Variants in GABRB3 observed in about 807,000 individuals in gnomAD.
The protein encoded by GABRB3 is gamma-aminobutyric acid receptor subunit beta-3.
In GABRB3, 14 loss-of-function variants were observed where a neutral mutation model predicts 52.1. The ratio of observed to expected loss-of-function variants is 0.27; its 90% confidence interval spans 0.18 to 0.42. The LOEUF (loss-of-function observed/expected upper bound fraction) is 0.42, where lower values mean the gene tolerates loss of function less well. Ranked by LOEUF, GABRB3 falls within the 10% of genes least tolerant of loss-of-function variation. The pLI, the probability that GABRB3 is intolerant of heterozygous loss-of-function variation, is 1.00. For missense variants in GABRB3, 307 were observed against 609.1 expected (o/e 0.50, Z 5.22); for synonymous variants, 260 against 232.3 (o/e 1.12, Z -1.08).
At chr15:26,702,851 A>C (rs1888979826) in intron 3 of GABRB3, among the ~76,000 whole-genome samples, 1 of 152,214 alleles carries the variant, frequency 6.6e-6, no homozygotes, top group African/African-American at 2.4e-5. Flanking sequence ...GCTGTAACAA[A>C]ATACCATAAA....
intron 3 of GABRB3, among the ~76,000 whole-genome samples, chr15:26,623,126 T>A (rs145814867): frequency 6.6e-6 from 1 of 152,024 alleles, no homozygotes; most frequent in Admixed American, 6.6e-5. Flanking sequence ...CTCGGCTAGG[T>A]AGACAGCAGG....
At chr15:26,698,559 G>T (rs913213212) in intron 3 of GABRB3, among the ~76,000 whole-genome samples, 1 of 152,050 alleles carries the variant, frequency 6.6e-6, no homozygotes, top group Admixed American at 6.5e-5. Flanking sequence ...GATAAAAATA[G>T]AAAAGAGAAA....
intron 3 of GABRB3, among the ~76,000 whole-genome samples, chr15:26,713,634 A>T (rs544079909): frequency 3.2e-4 from 48 of 152,334 alleles, no homozygotes; most frequent in Middle Eastern, 6.8e-3. Flanking sequence ...AATGCCATGG[A>T]CAGGCAATGC....
At chr15:26,714,218 G>C (rs1889395527) in intron 3 of GABRB3, among the ~76,000 whole-genome samples, 1 of 152,230 alleles carries the variant, frequency 6.6e-6, no homozygotes, top group Admixed American at 6.5e-5. Flanking sequence ...ATTGGGGTCG[G>C]TGTGAGGATG....
chr15:26,627,582 C>CT (rs1892754886), intron 3 of GABRB3, among the ~76,000 whole-genome samples: 1 of 151,688 alleles, frequency 6.6e-6, no homozygotes, highest in Non-Finnish European at 1.5e-5. Context: ...TCATGGATGA[C>CT]TTTGAGGGGT....
chr15:26,763,583 A>G (rs2140186312), intron 3 of GABRB3, among the ~76,000 whole-genome samples: 1 of 135,298 alleles, frequency 7.4e-6, no homozygotes, highest in South Asian at 2.5e-4. Flanking sequence ...TTGTTCTTTC[A>G]CAACCATTTT....
chr15:26,764,182 ATATATATATATATATATATAT>A (rs1890927350), intron 3 of GABRB3, among the ~76,000 whole-genome samples: 3 of 4,564 alleles, frequency 6.6e-4, no homozygotes, highest in African/African-American at 1.9e-3. Flanking sequence ...AAAAAAAAAT[ATATATATATATATATATATAT>A]ATATATATAT....
In GABRB3 at chr15:26,584,543, T is replaced by C. The variant is rs574201811; in HGVS notation, c.462-1129A>G. On this transcript the variant is annotated intron_variant, in intron 4 of 8. Coordinates refer to ENST00000311550, the MANE Select transcript of GABRB3 (RefSeq NM_000814.6). ...TATTTGGCTCCTATTTTATCAATTA[T>C]GAACCAAAATTGGGTGGGTAAGTTC... Among the ~76,000 whole-genome samples, 5 of 152,330 alleles carry C rather than the reference T, an allele frequency of 3.3e-5. No individual in the cohort carries two copies. In the East Asian group the frequency reaches 9.6e-4, roughly 29 times the overall value.
intron 3 of GABRB3, among the ~76,000 whole-genome samples, chr15:26,727,944 C>T (rs773895287): frequency 2.6e-5 from 4 of 152,158 alleles, no homozygotes; most frequent in Non-Finnish European, 5.9e-5. Context: ...AATTCTATCA[C>T]GTACCCCTGA....
chr15:26,641,296 G>T (rs1019338518), intron 3 of GABRB3, among the ~76,000 whole-genome samples: 2 of 152,326 alleles, frequency 1.3e-5, no homozygotes, highest in East Asian at 3.9e-4. Context: ...TGCATGCTAC[G>T]ACTTCCCAGA....
Position 26,637,489 on chromosome 15 carries a change from C to G in GABRB3, c.241-15955G>C, listed in dbSNP as rs76379078. On this transcript the variant is annotated intron_variant, in intron 3 of 8. Coordinates refer to ENST00000311550, the MANE Select transcript of GABRB3 (RefSeq NM_000814.6). ...TCTCTTTGGTTCGTAGATGTATCTG[C>G]AGCATCTAGGATGGTGCTGAGCACA... Among the ~76,000 whole-genome samples, 899 of 152,290 alleles carry G rather than the reference C, an allele frequency of 5.9e-3. 8 individuals are homozygous for G. The highest frequency in any genetic ancestry group is 0.021 in the African/African-American group (860 of 41,556).
At chr15:26,638,748 C>T (rs959936) in intron 3 of GABRB3, among the ~76,000 whole-genome samples, 152,281 of 152,318 alleles carry the variant, frequency 1, 76,122 homozygotes, top group Non-Finnish European at 1. Context: ...AATCAGTCTT[C>T]ATGACATTAA....
chr15:26,625,141 C>T (rs1406840785), intron 3 of GABRB3, among the ~76,000 whole-genome samples: 3 of 152,278 alleles, frequency 2.0e-5, no homozygotes, highest in African/African-American at 7.2e-5. Flanking sequence ...CCTTTCAGGG[C>T]CTGGCTCTCA....
At chr15:26,685,647 C>A (rs578026496) in intron 3 of GABRB3, among the ~76,000 whole-genome samples, 1 of 151,878 alleles carries the variant, frequency 6.6e-6, no homozygotes, top group Non-Finnish European at 1.5e-5. Flanking sequence ...ACTTTCAATA[C>A]GATTATGAAA....
chr15:26,590,475 G>T (rs1432672171), intron 4 of GABRB3, among the ~76,000 whole-genome samples: 1 of 152,144 alleles, frequency 6.6e-6, no homozygotes. Context: ...TCTGATGCAG[G>T]ATGCACTGGC....
At chr15:26,671,846 C>A (rs529864545) in intron 3 of GABRB3, among the ~76,000 whole-genome samples, 53 of 152,270 alleles carry the variant, frequency 3.5e-4, no homozygotes, top group Non-Finnish European at 5.1e-4. Context: ...GCTGAGCAGA[C>A]CACACGCAGG....
chr15:26,742,860 G>A (rs951951341), intron 3 of GABRB3, among the ~76,000 whole-genome samples: 2 of 146,554 alleles, frequency 1.4e-5, no homozygotes, highest in East Asian at 2.1e-4. Context: ...TATCTTACAT[G>A]TTAATTTGGG....
intron 3 of GABRB3, among the ~76,000 whole-genome samples, chr15:26,753,544 A>G (rs1207572605): frequency 1.3e-5 from 2 of 152,226 alleles, no homozygotes; most frequent in African/African-American, 2.4e-5. Flanking sequence ...AGACCTGGTT[A>G]TTGACTTTGG....
chr15:26,566,282 C>T (rs766744251), intron 7 of GABRB3, among the ~76,000 whole-genome samples: 2 of 152,098 alleles, frequency 1.3e-5, no homozygotes, highest in Non-Finnish European at 2.9e-5. Flanking sequence ...TTTTCTCAAG[C>T]CATAATTATG....
Sources: gnomAD v4.1 joint callset for allele counts (sites outside exome capture counted in the v4.1 genomes callset) on GRCh38, gnomAD v4.1.1 for gene constraint, MANE v1.5 for transcripts, NCBI Gene and HGNC (gene_info 2026-07-23, HGNC 2026-07-21) for gene names.